Variants in MICU1 observed in about 807,000 individuals in gnomAD.
The protein encoded by MICU1 is mitochondrial calcium uptake 1.
Under a neutral mutation model 56.8 loss-of-function variants are expected in MICU1, and 45 were observed. The observed-to-expected ratio is 0.79, with a 90% CI of 0.62 to 1.02. The LOEUF is 1.02. MICU1 is among the 50% of genes least tolerant of loss of function. The probability of loss-of-function intolerance (pLI) is 0.00; values close to 1 mark genes in which losing one functional copy is unlikely to be tolerated. For missense variants in MICU1, 504 were observed against 587.1 expected (o/e 0.86, Z 1.46); for synonymous variants, 186 against 195.1 (o/e 0.95, Z 0.39).
intron 4 of MICU1, among the ~76,000 whole-genome samples, chr10:72,543,833 T>C (rs1839833023): frequency 6.6e-6 from 1 of 150,754 alleles, no homozygotes; most frequent in Non-Finnish European, 1.5e-5. Flanking sequence ...CTGGGTGACA[T>C]AGCGAGACCC....
intron 8 of MICU1, among the ~76,000 whole-genome samples, chr10:72,461,157 C>T (rs1316735375): frequency 6.6e-6 from 1 of 152,010 alleles, no homozygotes; most frequent in African/African-American, 2.4e-5. Context: ...CAGACCTGTC[C>T]CTGAGGCACA....
At chr10:72,380,299 T>C (rs1179997108) in intron 10 of MICU1, among the ~76,000 whole-genome samples, 3 of 152,180 alleles carry the variant, frequency 2.0e-5, no homozygotes, top group African/African-American at 7.2e-5. Context: ...TGTACAAATC[T>C]GGCCCAGCTG....
rs566915542 is a variant in MICU1, at chr10:72,512,091, T to C, written c.538-3822A>G. 1.6e-3 allele frequency among the ~76,000 whole-genome samples: 232 copies of C among 142,596 alleles called. 9 individuals carry two copies. In the Admixed American group the frequency reaches 0.016, roughly 10 times the overall value. The allele number at this position is 142,596 out of a possible 152,430, so 93.5% of individuals were successfully genotyped here. A position where few individuals can be genotyped will look rare whatever the true frequency, so the allele number is the denominator to read the frequency against. On this transcript the variant is annotated intron_variant, in intron 5 of 11. Coordinates refer to ENST00000361114, the MANE Select transcript of MICU1 (RefSeq NM_001195518.2). The stretch of plus-strand genomic sequence containing the variant: ...TCATCCCTTATCAATCTGGCATCCA[T>C]ACACAGTTGTTTTTTGTTTTTTTTT...
At chr10:72,519,947 A>G (rs1485113778) in intron 5 of MICU1, among the ~76,000 whole-genome samples, 15 of 152,172 alleles carry the variant, frequency 9.9e-5, no homozygotes, top group South Asian at 2.1e-4. Context: ...CAGCTTTACT[A>G]TTTAAATTAA....
intron 8 of MICU1, among the ~76,000 whole-genome samples, chr10:72,433,732 C>T (rs1360755332): frequency 6.6e-6 from 1 of 152,186 alleles, no homozygotes; most frequent in Non-Finnish European, 1.5e-5. Context: ...GCCCAGCCTA[C>T]AACTTCTTTC....
rs1463963590 is a variant in MICU1 at position 72,426,538 on chromosome 10, T to C, written c.934-3167A>G. Among the ~76,000 whole-genome samples the C allele has an allele frequency of 2.6e-5, 4 of 151,906 alleles. 1 individual carries two copies. The highest frequency in any genetic ancestry group is 4.1e-4 in the South Asian group (2 of 4,822). ...TTAGCCTTCTGAGTAGCTGGGACTA[T>C]AGGCATGCACCACCATGCCTGGCTA... On this transcript the variant is annotated intron_variant, in intron 8 of 11. Coordinates refer to ENST00000361114, the MANE Select transcript of MICU1 (RefSeq NM_001195518.2).
At chr10:72,400,022 C>T (rs1458080733) in intron 10 of MICU1, among the ~76,000 whole-genome samples, 1 of 152,108 alleles carries the variant, frequency 6.6e-6, no homozygotes, top group South Asian at 2.1e-4. Context: ...TTCCCCCTTC[C>T]AACTCAGTAC....
intron 8 of MICU1, among the ~76,000 whole-genome samples, chr10:72,453,777 C>T (rs928445823): frequency 6.6e-6 from 1 of 151,908 alleles, no homozygotes; most frequent in Non-Finnish European, 1.5e-5. Flanking sequence ...GTGATCCACC[C>T]ACCTCAGCCT....
At chr10:72,532,777 AAGGTAACTTTTAGGC>A (rs1369206534) in intron 5 of MICU1, 2 of 825,772 alleles carry the variant, frequency 2.4e-6, no homozygotes, top group Non-Finnish European at 2.9e-6. Flanking sequence ...CTTAATAGGA[AAGGTAACTTTTAGGC>A]AGGTGGCCTT....
At chr10:72,376,472 T>C (rs897032185) in intron 10 of MICU1, among the ~76,000 whole-genome samples, 1 of 151,844 alleles carries the variant, frequency 6.6e-6, no homozygotes. Flanking sequence ...GGCGAAACCC[T>C]GTCTCTACAA....
intron 3 of MICU1, among the ~76,000 whole-genome samples, chr10:72,556,889 AC>A: frequency 6.6e-6 from 1 of 151,770 alleles, no homozygotes; most frequent in South Asian, 2.1e-4. Context: ...AAATGGTGAA[AC>A]CCAGTATCTA....
intron 6 of MICU1, among the ~76,000 whole-genome samples, chr10:72,506,679 C>G (rs1425122080): frequency 6.6e-6 from 1 of 152,200 alleles, no homozygotes; most frequent in Non-Finnish European, 1.5e-5. Context: ...TGTCATCATT[C>G]TCAAATAAAT....
At chr10:72,380,745 T>A (rs1160622238) in intron 10 of MICU1, among the ~76,000 whole-genome samples, 1 of 152,182 alleles carries the variant, frequency 6.6e-6, no homozygotes, top group Non-Finnish European at 1.5e-5. Flanking sequence ...CCTTTCCCTA[T>A]ACACACTGGG....
intron 4 of MICU1, among the ~76,000 whole-genome samples, chr10:72,549,207 T>C (rs1839970861): frequency 6.6e-6 from 1 of 151,326 alleles, no homozygotes; most frequent in Admixed American, 6.6e-5. Flanking sequence ...TTTTTTTTTT[T>C]TGAAACAGGG....
intron 8 of MICU1, among the ~76,000 whole-genome samples, chr10:72,435,849 C>A (rs1864696037): frequency 6.6e-6 from 1 of 152,228 alleles, no homozygotes; most frequent in Admixed American, 6.5e-5. Flanking sequence ...AGGTGTCCAC[C>A]ATTGCTCAGG....
At chr10:72,517,023 G>A (rs942228975) in intron 5 of MICU1, among the ~76,000 whole-genome samples, 1 of 152,066 alleles carries the variant, frequency 6.6e-6, no homozygotes, top group Non-Finnish European at 1.5e-5. Flanking sequence ...AAAACTCTGA[G>A]GAAGATTCTT....
At chr10:72,488,025 C>A (rs768936992) in intron 6 of MICU1, among the ~76,000 whole-genome samples, 1 of 151,658 alleles carries the variant, frequency 6.6e-6, no homozygotes, top group African/African-American at 2.4e-5. Flanking sequence ...GGAGAAACCC[C>A]GTCTCTACTA....
At chr10:72,453,178 C>T (rs967175853) in intron 8 of MICU1, among the ~76,000 whole-genome samples, 1 of 152,094 alleles carries the variant, frequency 6.6e-6, no homozygotes, top group African/African-American at 2.4e-5. Flanking sequence ...AGAAATTGAA[C>T]GCAAAACCAC....
At chr10:72,559,707 G>A (rs986835162) in intron 3 of MICU1, among the ~76,000 whole-genome samples, 1 of 152,008 alleles carries the variant, frequency 6.6e-6, no homozygotes, top group Admixed American at 6.6e-5. Context: ...AAAAGTTAAA[G>A]GAAAAAGAAA....
Sources: gnomAD v4.1 joint callset for allele counts (sites outside exome capture counted in the v4.1 genomes callset) on GRCh38, gnomAD v4.1.1 for gene constraint, MANE v1.5 for transcripts, NCBI Gene and HGNC (gene_info 2026-07-23, HGNC 2026-07-21) for gene names.